Variants in LTBP1 observed in about 807,000 individuals in gnomAD.
LTBP1 encodes the protein latent transforming growth factor beta binding protein 1.
A neutral mutation model predicts 207.6 loss-of-function variants in LTBP1; 129 were observed. The ratio of observed to expected loss-of-function variants is 0.62; its 90% CI spans 0.54 to 0.72. LTBP1 has a LOEUF of 0.72. Among genes scored for constraint, LTBP1 ranks in the 30% least tolerant of loss-of-function variants. The pLI, the probability that LTBP1 is intolerant of heterozygous loss-of-function variation, is 0.00. For missense variants in LTBP1, 2,281 were observed against 2,217.2 expected (o/e 1.03, Z -0.58); for synonymous variants, 963 against 833.7 (o/e 1.16, Z -2.67).
chr2:33,050,130 A>ATTTTTT (rs11318613), intron 3 of LTBP1, among the ~76,000 whole-genome samples: 1 of 144,604 alleles, frequency 6.9e-6, no homozygotes, highest in Non-Finnish European at 1.5e-5. Context: ...AGGCGTAAGC[A>ATTTTTT]TTTTTTTTTT....
intron 7 of LTBP1, among the ~76,000 whole-genome samples, chr2:33,207,349 C>A (rs1349251914): frequency 6.6e-6 from 1 of 151,398 alleles, no homozygotes; most frequent in Non-Finnish European, 1.5e-5. Flanking sequence ...TGTCAGAAAT[C>A]GATGTGGATA....
chr2:32,985,777 G>A (rs545725080), intron 2 of LTBP1, among the ~76,000 whole-genome samples: 1 of 152,266 alleles, frequency 6.6e-6, no homozygotes, highest in South Asian at 2.1e-4. Flanking sequence ...GTGATGGATG[G>A]GGCCCTGTGT....
intron 3 of LTBP1, among the ~76,000 whole-genome samples, chr2:33,079,300 G>C (rs1481089525): frequency 6.6e-6 from 1 of 152,138 alleles, no homozygotes; most frequent in East Asian, 1.9e-4. Flanking sequence ...AGTACGTGCT[G>C]TGATGGAGAG....
intron 22 of LTBP1, among the ~76,000 whole-genome samples, chr2:33,305,003 G>A (rs905052613): frequency 2.0e-5 from 3 of 152,148 alleles, no homozygotes; most frequent in Non-Finnish European, 4.4e-5. Flanking sequence ...ACATTGTAGT[G>A]TGGGAGATAA....
chr2:33,011,088 C>A (rs1687616486), intron 2 of LTBP1, among the ~76,000 whole-genome samples: 1 of 152,086 alleles, frequency 6.6e-6, no homozygotes, highest in African/African-American at 2.4e-5. Context: ...TGTGATACTG[C>A]AGTGGACATA....
At chr2:33,084,192 TTGA>T (rs1235770739) in intron 3 of LTBP1, among the ~76,000 whole-genome samples, 1 of 152,266 alleles carries the variant, frequency 6.6e-6, no homozygotes, top group Non-Finnish European at 1.5e-5. Flanking sequence ...TTGCTGAAAC[TTGA>T]TGAGTCTGCA....
intron 23 of LTBP1, among the ~76,000 whole-genome samples, chr2:33,314,030 CA>C (rs2094225832): frequency 6.6e-6 from 1 of 152,128 alleles, no homozygotes; most frequent in Non-Finnish European, 1.5e-5. Flanking sequence ...CATGTGTTAT[CA>C]GTGTTTGGAA....
chr2:33,161,669 A>G (rs1475018774), intron 5 of LTBP1, among the ~76,000 whole-genome samples: 3 of 152,176 alleles, frequency 2.0e-5, no homozygotes, highest in Non-Finnish European at 2.9e-5. Context: ...TAGATATGTT[A>G]TTTTCTTCAC....
At chr2:33,288,593 C>T (rs560937896) in intron 19 of LTBP1, among the ~76,000 whole-genome samples, 6 of 152,184 alleles carry the variant, frequency 3.9e-5, no homozygotes, top group Admixed American at 3.3e-4. Context: ...CGGTGGCTCA[C>T]GCCTGTAATC....
At chr2:33,203,977 T>G (rs1276912919) in intron 7 of LTBP1, among the ~76,000 whole-genome samples, 1 of 152,230 alleles carries the variant, frequency 6.6e-6, no homozygotes, top group African/African-American at 2.4e-5. Context: ...AGCTGGTATT[T>G]CTGGGCTCTG....
intron 2 of LTBP1, among the ~76,000 whole-genome samples, chr2:33,012,812 A>C (rs1325112355): frequency 6.6e-6 from 1 of 152,260 alleles, no homozygotes; most frequent in Non-Finnish European, 1.5e-5. Flanking sequence ...AATAGTTTAC[A>C]GTCTGTAAAA....
chr2:33,365,336 A>G lies in LTBP1; in HGVS notation c.4544A>G (p.Gln1515Arg). 1 of 1,614,158 alleles carries G rather than the reference A, an allele frequency of 6.2e-7. No individual in the cohort carries two copies. The highest frequency in any genetic ancestry group is 8.5e-7 in the Non-Finnish European group (1 of 1,179,982). ...GGAACTATGTCTTCCCTTTCAGAAC[A>G]AATAGAAGAAACTGATGTCTACCAA... is the stretch of plus-strand genomic sequence containing the variant. ...RCIRPAESNE[Q>R]IEETDVYQDL... The change falls in exon 31 of 34, where the codon CAA (glutamine) becomes CGA (arginine). Residue 1515 changes from glutamine (Q) to arginine (R), a missense_variant. Gln to Arg is a conservative substitution (Grantham distance 43). Coordinates refer to ENST00000404816, the MANE Select transcript of LTBP1 (RefSeq NM_206943.4).
intron 3 of LTBP1, among the ~76,000 whole-genome samples, chr2:33,105,366 T>A (rs2080000122): frequency 6.6e-6 from 1 of 152,164 alleles, no homozygotes; most frequent in African/African-American, 2.4e-5. Flanking sequence ...AATTTTTAAA[T>A]TAAAATGTAA....
chr2:33,275,859 G>A lies in LTBP1; in HGVS notation c.2928G>A (p.Val976=), dbSNP rs757434501. The A allele has an allele frequency of 1.2e-5, 20 of 1,613,062 alleles. No homozygotes were observed. Among genetic ancestry groups the A allele is most frequent in the Non-Finnish European group, 1.5e-5 (18 of 1,179,566 alleles). Residue 976 remains valine, a synonymous_variant, in exon 18 of 34, where the codon GTG becomes GTA. Coordinates refer to ENST00000404816, the MANE Select transcript of LTBP1 (RefSeq NM_206943.4). ...GGGAGGGGCACTGTGTCAATACTGT[G>A]GGGGCCTTCCGGTGTGAATACTGTG... ...VCGEGHCVNT[V]GAFRCEYCDS...
chr2:32,954,531 T>C (rs1333822081), intron 2 of LTBP1, among the ~76,000 whole-genome samples: 1 of 146,808 alleles, frequency 6.8e-6, no homozygotes, highest in African/African-American at 2.5e-5. Context: ...CATACTGTAT[T>C]AGGGCCTCCA....
intron 7 of LTBP1, among the ~76,000 whole-genome samples, chr2:33,201,892 C>T (rs1045865864): frequency 6.6e-6 from 1 of 152,020 alleles, no homozygotes; most frequent in African/African-American, 2.4e-5. Flanking sequence ...GAAGTTGTTC[C>T]AGCAGTTCTG....
chr2:33,132,637 G>A (rs1298537504), intron 4 of LTBP1, among the ~76,000 whole-genome samples: 1 of 152,202 alleles, frequency 6.6e-6, no homozygotes, highest in African/African-American at 2.4e-5. Context: ...GGTGCCAGAA[G>A]GTCTGCTTGG....
intron 10 of LTBP1, among the ~76,000 whole-genome samples, chr2:33,244,385 G>A (rs1490928307): frequency 6.6e-6 from 1 of 152,128 alleles, no homozygotes; most frequent in East Asian, 1.9e-4. Context: ...CCTTAAAAAT[G>A]TTTCTGAGAT....
chr2:33,234,785 C>G (rs1419770646), intron 9 of LTBP1, among the ~76,000 whole-genome samples: 1 of 152,072 alleles, frequency 6.6e-6, no homozygotes, highest in Non-Finnish European at 1.5e-5. Context: ...GGAAAAAGAA[C>G]AAAGCTGGAG....
Sources: gnomAD v4.1 joint callset for allele counts (sites outside exome capture counted in the v4.1 genomes callset) on GRCh38, gnomAD v4.1.1 for gene constraint, MANE v1.5 for transcripts, NCBI Gene and HGNC (gene_info 2026-07-23, HGNC 2026-07-21) for gene names.